GRB2: variants seen among roughly 807,000 people sequenced by gnomAD.
GRB2 encodes the protein growth factor receptor bound protein 2, also known as growth factor receptor-bound protein 2.
A neutral mutation model predicts 27.4 loss-of-function variants in GRB2; 2 were observed. That is an observed-to-expected ratio of 0.07 (90% CI 0.03 to 0.23). GRB2 has a LOEUF of 0.23. Ranked by LOEUF, GRB2 falls within the 10% of genes least tolerant of loss-of-function variation. The pLI, the probability that GRB2 is intolerant of heterozygous loss-of-function variation, is 1.00. For synonymous variants in GRB2, 94 were observed against 99.6 expected (o/e 0.94, Z 0.33); for missense variants, 102 against 282.4 (o/e 0.36, Z 4.58).
intron 3 of GRB2, among the ~76,000 whole-genome samples, chr17:75,332,272 T>C (rs895123051): frequency 2.6e-5 from 4 of 152,166 alleles, no homozygotes; most frequent in Admixed American, 6.5e-5. Context: ...TAAACATTTA[T>C]TGAGAACTAT....
chr17:75,321,902 G>A, intron 4 of GRB2, 75 bp from the exon 5 acceptor site: 2 of 1,406,548 alleles, frequency 1.4e-6, no homozygotes, highest in Non-Finnish European at 9.8e-7. Context: ...CCATATAGGA[G>A]CTATCTCGAG....
intron 4 of GRB2, among the ~76,000 whole-genome samples, chr17:75,323,482 C>A (rs2078474606): frequency 6.6e-6 from 1 of 152,150 alleles, no homozygotes; most frequent in Non-Finnish European, 1.5e-5. Context: ...TCAAAACATC[C>A]TAAAACTAAG....
At chr17:75,380,825 G>A (rs2078923349) in intron 2 of GRB2, among the ~76,000 whole-genome samples, 2 of 152,186 alleles carry the variant, frequency 1.3e-5, no homozygotes, top group Admixed American at 1.3e-4. Context: ...GCTGAGGGAA[G>A]GATGTTTAAT....
chr17:75,395,226 C>G (rs1598257093), intron 1 of GRB2, among the ~76,000 whole-genome samples: 1 of 152,142 alleles, frequency 6.6e-6, no homozygotes, highest in South Asian at 2.1e-4. Flanking sequence ...GAAAATAAAT[C>G]GTCTGACAAT....
chr17:75,364,984 A>G (rs887631008), intron 2 of GRB2, among the ~76,000 whole-genome samples: 2 of 152,200 alleles, frequency 1.3e-5, no homozygotes, highest in African/African-American at 4.8e-5. Context: ...GAAAACATCG[A>G]AATTGTTTTT....
In GRB2 at chr17:75,341,464, A is replaced by C. The variant is rs530866069; in HGVS notation, c.79-8667T>G. 7.9e-3 allele frequency among the ~76,000 whole-genome samples: 1,186 copies of C among 151,074 alleles called. 19 individuals carry two copies. Among genetic ancestry groups the C allele is most frequent in the African/African-American group, 0.027 (1,130 of 41,102 alleles). ...GACTCCATTAAAAAAAAAAAAAAAAAAAAAACACAAAAGAAAAACAAAGGG... is the reference window on the plus strand; with the variant it reads ...GACTCCATTAAAAAAAAAAAAAAAACAAAAACACAAAAGAAAAACAAAGGG... On this transcript the variant is annotated intron_variant, in intron 2 of 5. Coordinates refer to ENST00000316804, the MANE Select transcript of GRB2 (RefSeq NM_002086.5).
intron 3 of GRB2, among the ~76,000 whole-genome samples, chr17:75,331,084 C>T (rs1307966446): frequency 6.6e-6 from 1 of 152,152 alleles, no homozygotes; most frequent in African/African-American, 2.4e-5. Flanking sequence ...TGACCCTGAC[C>T]CTATACTCAT....
intron 2 of GRB2, among the ~76,000 whole-genome samples, chr17:75,338,361 G>T (rs1304141625): frequency 6.6e-6 from 1 of 152,200 alleles, no homozygotes; most frequent in African/African-American, 2.4e-5. Flanking sequence ...CACCGTGCCC[G>T]GCCACAAATA....
chr17:75,325,836 G>A lies in GRB2; in HGVS notation c.299+62C>T, dbSNP rs1282110729. ...GTGTGTAGCCAGGCACCTGACCAAC[G>A]GCTTCACAATTTGGATCAGTCAGAG... is the stretch of plus-strand genomic sequence containing the variant. On this transcript the variant is annotated intron_variant, in intron 4 of 5. Coordinates refer to ENST00000316804, the MANE Select transcript of GRB2 (RefSeq NM_002086.5). 15 of 1,575,468 alleles carry A rather than the reference G, an allele frequency of 9.5e-6. No homozygotes were observed. The East Asian group carries it at 1.6e-4, about 16-fold the overall frequency.
chr17:75,371,872 A>G (rs2078858832), intron 2 of GRB2: 1 of 152,170 alleles, frequency 6.6e-6, no homozygotes, highest in South Asian at 2.1e-4. Flanking sequence ...GCGTTGACCA[A>G]TGGAACACTG....
chr17:75,345,950 G>C (rs2078652120), intron 2 of GRB2, among the ~76,000 whole-genome samples: 2 of 152,090 alleles, frequency 1.3e-5, no homozygotes, highest in Non-Finnish European at 2.9e-5. Flanking sequence ...AGAAGCTCAA[G>C]CTTATATGTT....
chr17:75,397,657 C>G (rs1034152121), intron 1 of GRB2, among the ~76,000 whole-genome samples: 2 of 152,242 alleles, frequency 1.3e-5, no homozygotes, highest in African/African-American at 4.8e-5. Flanking sequence ...CTCACACTTA[C>G]AGCTACAGTT....
intron 2 of GRB2, among the ~76,000 whole-genome samples, chr17:75,360,140 A>C (rs1444294045): frequency 6.6e-6 from 1 of 152,200 alleles, no homozygotes; most frequent in Non-Finnish European, 1.5e-5. Context: ...AGTCAAATTA[A>C]AAAGAAATCA....
At chr17:75,384,413 A>C (rs561933447) in intron 2 of GRB2, among the ~76,000 whole-genome samples, 1 of 152,322 alleles carries the variant, frequency 6.6e-6, no homozygotes, top group East Asian at 1.9e-4. Flanking sequence ...TCACCCCTGT[A>C]ATCCCAGCAC....
chr17:75,402,593 C>G (rs1181451061), intron 1 of GRB2, among the ~76,000 whole-genome samples: 1 of 152,130 alleles, frequency 6.6e-6, no homozygotes, highest in Non-Finnish European at 1.5e-5. Flanking sequence ...TCAAAATCCA[C>G]CCATTCAGAG....
chr17:75,358,719 A>T (rs76421755), intron 2 of GRB2, among the ~76,000 whole-genome samples: 1 of 140,036 alleles, frequency 7.1e-6, no homozygotes, highest in Non-Finnish European at 1.5e-5. Flanking sequence ...AAAAAAAAAA[A>T]AAAAAAACAA....
At chr17:75,350,813 T>C (rs1320605202) in intron 2 of GRB2, among the ~76,000 whole-genome samples, 1 of 152,086 alleles carries the variant, frequency 6.6e-6, no homozygotes, top group African/African-American at 2.4e-5. Context: ...AATATTTGAA[T>C]GGAAACCCTC....
chr17:75,342,551 T>C (rs562395159), intron 2 of GRB2, among the ~76,000 whole-genome samples: 4 of 152,258 alleles, frequency 2.6e-5, no homozygotes, highest in African/African-American at 7.2e-5. Flanking sequence ...AATACAGGCA[T>C]GAGCCACCGC....
At position 75,347,428 on chromosome 17, in the gene GRB2, TGCCTTTGCTTTA is replaced by T. The variant is rs533446225; in HGVS notation, c.79-14643_79-14632del. 9.5e-4 allele frequency among the ~76,000 whole-genome samples: 145 copies of T among 152,268 alleles called. 1 individual carries two copies. The highest frequency in any genetic ancestry group is 3.3e-3 in the African/African-American group (137 of 41,558). Reference sequence around the variant, plus strand: ...CACTGCCATGCCCATCTTTGAGTGGTGCCTTTGCTTTAGCCTTTCTTTGCATGCCCACAAACC... The same window carrying T: ...CACTGCCATGCCCATCTTTGAGTGGTGCCTTTCTTTGCATGCCCACAAACC... On this transcript the variant is annotated intron_variant, in intron 2 of 5. Coordinates refer to ENST00000316804, the MANE Select transcript of GRB2 (RefSeq NM_002086.5).
Sources: allele counts gnomAD v4.1 joint callset (sites outside exome capture counted in the v4.1 genomes callset), GRCh38; gene constraint gnomAD v4.1.1; transcripts MANE v1.5; gene names NCBI Gene and HGNC (gene_info 2026-07-23, HGNC 2026-07-21).